The following KATNAL1 variants were observed in gnomAD, a reference collection of about 807,000 sequenced individuals.
The protein encoded by KATNAL1 is katanin catalytic subunit A1 like 1.
Under a neutral mutation model 55.2 loss-of-function variants are expected in KATNAL1, and 32 were observed. The ratio of observed to expected loss-of-function variants is 0.58; its 90% CI spans 0.44 to 0.78. KATNAL1 has a LOEUF of 0.78. Ranked by LOEUF, KATNAL1 falls within the 30% of genes least tolerant of loss-of-function variation. The probability of loss-of-function intolerance (pLI) is 0.00; values close to 1 mark genes in which losing one functional copy is unlikely to be tolerated. For synonymous variants in KATNAL1, 193 were observed against 193.6 expected, an observed-to-expected ratio of 1.00 and a Z score of 0.02; for missense variants, 466 against 600.9, an observed-to-expected ratio of 0.78 and a Z score of 2.35.
chr13:30,283,513 C>G (rs1881560057), intron 2 of KATNAL1, 103 bp downstream of exon 2: 1 of 959,454 alleles, frequency 1.0e-6, no homozygotes. Context: ...TAAATAGGCA[C>G]TATTTCCATC....
At chr13:30,208,766 G>A in intron 10 of KATNAL1, 28 bp from the exon 11 acceptor site, 1 of 1,502,376 alleles carries the variant, frequency 6.7e-7, no homozygotes, top group Non-Finnish European at 9.1e-7. Context: ...TCAGTCAACA[G>A]TAATTTTTGC....
chr13:30,271,878 G>GAAAAAAAAAAAAAAAAAAAAAAAAAAA (rs71299873), intron 3 of KATNAL1, among the ~76,000 whole-genome samples: 1 of 76,792 alleles, frequency 1.3e-5, no homozygotes, highest in Non-Finnish European at 2.5e-5. Context: ...AAGAAAAGAG[G>GAAAAAAAAAAAAAAAAAAAAAAAAAAA]AAAAAAAAAA....
At chr13:30,270,271 G>A (rs1239529800) in intron 3 of KATNAL1, among the ~76,000 whole-genome samples, 4 of 139,920 alleles carry the variant, frequency 2.9e-5, no homozygotes, top group Admixed American at 1.4e-4. Context: ...CCCCCCGCCC[G>A]GCCAGCCACC....
At chr13:30,255,637 AAATT>A in intron 3 of KATNAL1, 22 bp from the exon 4 acceptor site, 6 of 1,301,734 alleles carry the variant, frequency 4.6e-6, no homozygotes, top group Non-Finnish European at 6.0e-6. Flanking sequence ...AAAAAAAAAA[AAATT>A]AAAATTAAAA....
chr13:30,258,371 G>C (rs1463977462), intron 3 of KATNAL1, among the ~76,000 whole-genome samples: 5 of 152,150 alleles, frequency 3.3e-5, no homozygotes, highest in African/African-American at 1.2e-4. Flanking sequence ...ATATAGTCTA[G>C]ATACGAGTCC....
intron 9 of KATNAL1, among the ~76,000 whole-genome samples, chr13:30,219,875 G>C (rs568264150): frequency 1.3e-5 from 2 of 152,158 alleles, no homozygotes; most frequent in Non-Finnish European, 2.9e-5. Flanking sequence ...AAAGGAAATG[G>C]AGTTCCTACC....
intron 3 of KATNAL1, among the ~76,000 whole-genome samples, chr13:30,274,875 G>A (rs1287855231): frequency 6.8e-6 from 1 of 146,632 alleles, no homozygotes; most frequent in Non-Finnish European, 1.5e-5. Flanking sequence ...TGGGGGCGGG[G>A]TGTGTGCACA....
chr13:30,214,614 T>C (rs1173488458), intron 9 of KATNAL1, among the ~76,000 whole-genome samples: 4 of 152,024 alleles, frequency 2.6e-5, no homozygotes, highest in African/African-American at 7.2e-5. Flanking sequence ...TCAGAAATAA[T>C]GCCGCATATC....
intron 4 of KATNAL1, among the ~76,000 whole-genome samples, chr13:30,246,623 C>T (rs925952454): frequency 1.3e-5 from 2 of 152,048 alleles, no homozygotes; most frequent in African/African-American, 2.4e-5. Context: ...GAATGGGAGA[C>T]AATTTTTGCA....
intron 8 of KATNAL1, among the ~76,000 whole-genome samples, chr13:30,228,810 T>C (rs930821575): frequency 2.0e-5 from 3 of 152,234 alleles, no homozygotes; most frequent in Admixed American, 1.3e-4. Flanking sequence ...TGGAGTGCCA[T>C]GGCACAATTA....
chr13:30,242,489 A>C (rs997460700), intron 4 of KATNAL1, among the ~76,000 whole-genome samples: 6 of 152,208 alleles, frequency 3.9e-5, no homozygotes, highest in Non-Finnish European at 2.9e-5. Flanking sequence ...TCAAGCATCT[A>C]GTCTAGTGGG....
At chr13:30,265,651 T>A (rs1879704529) in intron 3 of KATNAL1, among the ~76,000 whole-genome samples, 1 of 151,918 alleles carries the variant, frequency 6.6e-6, no homozygotes, top group Admixed American at 6.6e-5. Context: ...TTCAGCTAGT[T>A]TTTTTTTCTA....
chr13:30,305,086 C>T (rs1447292907), intron 1 of KATNAL1, among the ~76,000 whole-genome samples: 4 of 152,126 alleles, frequency 2.6e-5, no homozygotes, highest in Non-Finnish European at 1.5e-5. Context: ...GTTTCCCCTC[C>T]CAGGTCCATT....
chr13:30,215,079 A>G (rs1385167371), intron 9 of KATNAL1, among the ~76,000 whole-genome samples: 3 of 151,442 alleles, frequency 2.0e-5, no homozygotes, highest in Non-Finnish European at 4.4e-5. Context: ...ATTTACAAGA[A>G]AAAAACAAAC....
At chr13:30,265,541 G>A (rs1298201575) in intron 3 of KATNAL1, among the ~76,000 whole-genome samples, 1 of 151,928 alleles carries the variant, frequency 6.6e-6, no homozygotes, top group East Asian at 1.9e-4. Context: ...GGTGCTTTTT[G>A]TGCAGAGAAT....
At chr13:30,286,006 G>T (rs948352499) in intron 1 of KATNAL1, among the ~76,000 whole-genome samples, 2 of 152,184 alleles carry the variant, frequency 1.3e-5, no homozygotes, top group Non-Finnish European at 2.9e-5. Context: ...GATTTGGAAG[G>T]GGGGATTGCT....
chr13:30,261,257 C>A (rs1279013694), intron 3 of KATNAL1, among the ~76,000 whole-genome samples: 4 of 152,010 alleles, frequency 2.6e-5, no homozygotes, highest in African/African-American at 9.7e-5. Flanking sequence ...CCAGCCGCTG[C>A]AAAATCATGC....
intron 3 of KATNAL1, among the ~76,000 whole-genome samples, chr13:30,256,637 G>C (rs1358980150): frequency 1.3e-5 from 2 of 150,796 alleles, no homozygotes; most frequent in Non-Finnish European, 3.0e-5. Flanking sequence ...ATAATTCAAA[G>C]ATAGGAAAAT....
chr13:30,238,547 C>T (rs1035321452), intron 6 of KATNAL1, among the ~76,000 whole-genome samples: 7 of 152,324 alleles, frequency 4.6e-5, no homozygotes, highest in African/African-American at 1.4e-4. Context: ...TAAGTTCCTA[C>T]ATCTCCAAAA....
Sources: allele counts gnomAD v4.1 joint callset (sites outside exome capture counted in the v4.1 genomes callset), GRCh38; gene constraint gnomAD v4.1.1; transcripts MANE v1.5; gene names NCBI Gene and HGNC (gene_info 2026-07-23, HGNC 2026-07-21).